Variants in DOCK2 observed in about 807,000 individuals in gnomAD.
The protein encoded by DOCK2 is dedicator of cytokinesis 2.
In DOCK2, 87 loss-of-function variants were observed where a neutral mutation model predicts 248.9. The ratio of observed to expected loss-of-function variants is 0.35; its 90% confidence interval spans 0.29 to 0.42. DOCK2 has a LOEUF of 0.42. DOCK2 is among the 10% of genes least tolerant of loss of function. The pLI is 1.00. For missense variants in DOCK2, 1,747 were observed against 2,300.2 expected (o/e 0.76, Z 4.92); for synonymous variants, 805 against 821.6 (o/e 0.98, Z 0.35).
chr5:169,734,585 A>G (rs1226454488), intron 22 of DOCK2, among the ~76,000 whole-genome samples: 3 of 152,228 alleles, frequency 2.0e-5, no homozygotes, highest in Non-Finnish European at 4.4e-5. Context: ...ATTTCTGTTT[A>G]TGGATACAAG....
chr5:169,972,542 C>CAGAT (rs143089504), intron 27 of DOCK2, among the ~76,000 whole-genome samples: 6,753 of 141,130 alleles, frequency 0.048, 241 homozygotes, highest in Non-Finnish European at 0.07. Context: ...CACTGTGAGA[C>CAGAT]AGATAGATAG....
intron 27 of DOCK2, among the ~76,000 whole-genome samples, chr5:169,886,526 C>T (rs1561796203): frequency 6.6e-6 from 1 of 152,154 alleles, no homozygotes; most frequent in Non-Finnish European, 1.5e-5. Flanking sequence ...GAGCTCAGTA[C>T]CCAATTCCCT....
intron 47 of DOCK2, among the ~76,000 whole-genome samples, chr5:170,077,127 T>A (rs75526595): frequency 0.12 from 18,831 of 152,238 alleles, 1,307 homozygotes; most frequent in Non-Finnish European, 0.16. Flanking sequence ...CAGAGTGAGG[T>A]CCAGGAGGGT....
chr5:170,038,841 T>G (rs1475191221), intron 36 of DOCK2, among the ~76,000 whole-genome samples: 1 of 152,096 alleles, frequency 6.6e-6, no homozygotes, highest in African/African-American at 2.4e-5. Flanking sequence ...AGCTCTCCCC[T>G]GGGCTGCTCT....
intron 27 of DOCK2, among the ~76,000 whole-genome samples, chr5:169,870,516 C>G (rs2113454555): frequency 6.6e-6 from 1 of 152,076 alleles, no homozygotes; most frequent in South Asian, 2.1e-4. Flanking sequence ...ATAACAGAAG[C>G]CTCTCAGTTG....
intron 25 of DOCK2, among the ~76,000 whole-genome samples, chr5:169,797,450 A>G (rs1766721605): frequency 6.6e-6 from 1 of 152,254 alleles, no homozygotes; most frequent in African/African-American, 2.4e-5. Context: ...AAAGCACACC[A>G]CACTTCAAGA....
At chr5:169,927,877 A>T (rs1581429815) in intron 27 of DOCK2, among the ~76,000 whole-genome samples, 1 of 152,158 alleles carries the variant, frequency 6.6e-6, no homozygotes, top group African/African-American at 2.4e-5. Flanking sequence ...CGGCCTCCCA[A>T]AGTGCTGGGA....
rs532488512 is a variant in DOCK2 at position 169,763,389 on chromosome 5, C to T, written c.2554+1764C>T. The stretch of plus-strand genomic sequence containing the variant: ...CATGACAAGGACGACTCTAGCTACG[C>T]ATATGGTGTGGCACAGGCAGCAGGG... On this transcript the variant is annotated intron_variant, in intron 25 of 51. Coordinates refer to ENST00000520908, the MANE Select transcript of DOCK2 (RefSeq NM_004946.3). This position sits in a 1 kb window ranked among gnomAD's most constrained non-coding sequence, Gnocchi z 4.1. Among the ~76,000 whole-genome samples, 3 of 152,234 alleles carry T rather than the reference C, an allele frequency of 2.0e-5. No individual in the cohort carries two copies. Among genetic ancestry groups the T allele is most frequent in the African/African-American group, 2.4e-5 (1 of 41,466 alleles).
At chr5:169,963,915 T>G (rs931151153) in intron 27 of DOCK2, among the ~76,000 whole-genome samples, 4 of 152,092 alleles carry the variant, frequency 2.6e-5, no homozygotes, top group African/African-American at 9.7e-5. Flanking sequence ...AATGTGCATT[T>G]CAAATAAGTT....
intron 1 of DOCK2, among the ~76,000 whole-genome samples, chr5:169,638,813 A>G (rs934367659): frequency 6.6e-6 from 1 of 152,136 alleles, no homozygotes; most frequent in Non-Finnish European, 1.5e-5. Context: ...CCCAACTTAC[A>G]GGTGAAGTAA....
intron 39 of DOCK2, 68 bp from the exon 40 acceptor site, chr5:170,047,442 G>T (rs559632375): frequency 1.4e-6 from 2 of 1,391,710 alleles, no homozygotes; most frequent in Non-Finnish European, 2.0e-6. Flanking sequence ...CTTCACCAAG[G>T]CCTCTTTGAG....
chr5:169,670,497 T>C, intron 3 of DOCK2, 45 bp from the exon 4 acceptor site: 1 of 1,600,532 alleles, frequency 6.2e-7, no homozygotes. Context: ...TGTGGTGATA[T>C]ATCTTTTTAT....
intron 25 of DOCK2, among the ~76,000 whole-genome samples, chr5:169,784,040 A>G (rs373316727): frequency 6.6e-6 from 1 of 152,218 alleles, no homozygotes; most frequent in African/African-American, 2.4e-5. Flanking sequence ...TGTCTTGCCC[A>G]CTGGCTTTCA....
chr5:169,952,778 C>G (rs1370440347), intron 27 of DOCK2, among the ~76,000 whole-genome samples: 3 of 152,110 alleles, frequency 2.0e-5, no homozygotes, highest in Admixed American at 6.5e-5. Context: ...CCGTTTCAAT[C>G]CAGGGTACAG....
At chr5:169,744,437 C>T (rs1262104485) in intron 22 of DOCK2, among the ~76,000 whole-genome samples, 1 of 152,172 alleles carries the variant, frequency 6.6e-6, no homozygotes, top group Non-Finnish European at 1.5e-5. Context: ...GAACTAAATG[C>T]TCACCGGACT....
intron 1 of DOCK2, among the ~76,000 whole-genome samples, chr5:169,637,745 G>A (rs1214913772): frequency 6.6e-6 from 1 of 152,178 alleles, no homozygotes; most frequent in East Asian, 1.9e-4. Context: ...CCCTGGCTCA[G>A]CCTTGGCCTG....
At chr5:170,020,093 C>T (rs987682146) in intron 33 of DOCK2, among the ~76,000 whole-genome samples, 3 of 152,206 alleles carry the variant, frequency 2.0e-5, no homozygotes, top group African/African-American at 7.2e-5. Context: ...CACCCTCTAG[C>T]CAGCATCCCC....
intron 22 of DOCK2, among the ~76,000 whole-genome samples, chr5:169,740,275 C>T (rs1446901385): frequency 1.3e-5 from 2 of 151,466 alleles, no homozygotes; most frequent in South Asian, 2.1e-4. Flanking sequence ...TTCATTTCTC[C>T]CATATTGTTA....
At chr5:169,718,932 A>G in intron 22 of DOCK2, 141 bp downstream of exon 22, 3 of 1,117,842 alleles carry the variant, frequency 2.7e-6, no homozygotes, top group Non-Finnish European at 3.7e-6. Context: ...CAACCTAGAG[A>G]GTAATGAATA....
Sources: allele counts gnomAD v4.1 joint callset (sites outside exome capture counted in the v4.1 genomes callset), GRCh38; gene constraint gnomAD v4.1.1; non-coding constraint Gnocchi (gnomAD v3.1); transcripts MANE v1.5; gene names NCBI Gene and HGNC (gene_info 2026-07-23, HGNC 2026-07-21).